ACTN4: variants seen among roughly 807,000 people sequenced by gnomAD.
ACTN4 encodes the protein alpha-actinin-4.
In ACTN4, 18 loss-of-function variants were observed where a neutral mutation model predicts 114.2. That is an observed-to-expected ratio of 0.16 (90% CI 0.11 to 0.23). The LOEUF is 0.23. Among genes scored for constraint, ACTN4 ranks in the 10% least tolerant of loss-of-function variants. ACTN4 has a pLI of 1.00. For missense variants in ACTN4, 722 were observed against 1,262.9 expected, an observed-to-expected ratio of 0.57 and a Z score of 6.49; for synonymous variants, 515 against 506.3, an observed-to-expected ratio of 1.02 and a Z score of -0.23.
chr19:38,673,633 ATATT>A (rs1568690246), intron 1 of ACTN4, among the ~76,000 whole-genome samples: 6 of 48,908 alleles, frequency 1.2e-4, no homozygotes, highest in South Asian at 5.2e-4. Context: ...ATATTCATAT[ATATT>A]TATATATATT....
intron 3 of ACTN4, 137 bp downstream of exon 3, chr19:38,701,258 G>T: frequency 7.0e-7 from 1 of 1,421,502 alleles, no homozygotes; most frequent in South Asian, 1.3e-5. Context: ...TACATACTCA[G>T]CAGTGATCAC....
Position 38,731,096 on chromosome 19 carries a change from G to C in ACTN4, c.*1664G>C, listed in dbSNP as rs542153508. 6.2e-7 allele frequency: 1 copy of C among 1,607,056 alleles called. No individual in the cohort carries two copies. Among genetic ancestry groups the C allele is most frequent in the Non-Finnish European group, 8.5e-7 (1 of 1,177,308 alleles). ...TCCCCCCATGCCCCACCATGCCGGG[G>C]TGGTACTCACAGAAGATGCAGGTGA... On this transcript the variant is annotated 3_prime_UTR_variant, in exon 21 of 21. Transcript: ENST00000252699.
intron 1 of ACTN4, among the ~76,000 whole-genome samples, chr19:38,694,271 T>C (rs996114812): frequency 4.0e-5 from 6 of 151,452 alleles, no homozygotes; most frequent in African/African-American, 1.5e-4. Context: ...CTTCTTTTTT[T>C]TTTTTTGAAA....
chr19:38,713,210 C>T (rs1968720309), intron 8 of ACTN4, among the ~76,000 whole-genome samples: 1 of 152,234 alleles, frequency 6.6e-6, no homozygotes, highest in South Asian at 2.1e-4. Flanking sequence ...CCGAAGCGTT[C>T]CCGCCTCGTT....
At chr19:38,679,568 C>CGTGTGTGTGTGTGTGTGTGTGTGTGT (rs10583743) in intron 1 of ACTN4, among the ~76,000 whole-genome samples, 3 of 145,420 alleles carry the variant, frequency 2.1e-5, no homozygotes, top group Non-Finnish European at 4.5e-5. Context: ...TTTGGGTGTG[C>CGTGTGTGTGTGTGTGTGTGTGTGTGT]GTGTGTGTGT....
intron 1 of ACTN4, among the ~76,000 whole-genome samples, chr19:38,672,050 C>T (rs1482760864): frequency 6.6e-6 from 1 of 152,066 alleles, no homozygotes; most frequent in Non-Finnish European, 1.5e-5. Context: ...GCAGCGTAGA[C>T]TTCATTGTCC....
At chr19:38,686,831 G>A (rs1043078069) in intron 1 of ACTN4, among the ~76,000 whole-genome samples, 10 of 152,162 alleles carry the variant, frequency 6.6e-5, no homozygotes, top group Non-Finnish European at 1.2e-4. Flanking sequence ...GGATGGCTCC[G>A]GAAGTCTGTT....
intron 1 of ACTN4, among the ~76,000 whole-genome samples, chr19:38,659,864 T>C (rs7254971): frequency 0.014 from 2,128 of 151,968 alleles, 57 homozygotes; most frequent in African/African-American, 0.047. Flanking sequence ...TGGTTGTGGC[T>C]ACCAAGGAAA....
chr19:38,658,574 CT>C (rs1976778733), intron 1 of ACTN4, among the ~76,000 whole-genome samples: 1 of 152,190 alleles, frequency 6.6e-6, no homozygotes. Flanking sequence ...GCTTCTTTGG[CT>C]GTTACTGGTA....
At chr19:38,690,949 C>A (rs759519836) in intron 1 of ACTN4, among the ~76,000 whole-genome samples, 1 of 152,192 alleles carries the variant, frequency 6.6e-6, no homozygotes, top group Non-Finnish European at 1.5e-5. Context: ...CAACCTGATT[C>A]CACTCACTCC....
chr19:38,654,145 A>G (rs954723148), intron 1 of ACTN4, among the ~76,000 whole-genome samples: 1 of 152,200 alleles, frequency 6.6e-6, no homozygotes, highest in Admixed American at 6.6e-5. Flanking sequence ...GGCATCAAGG[A>G]GTGTAACTTT....
chr19:38,718,123 C>T (rs1327133072), intron 11 of ACTN4, 49 bp downstream of exon 11: 1 of 1,567,858 alleles, frequency 6.4e-7, no homozygotes, highest in South Asian at 1.2e-5. Context: ...CCCGTGCTCC[C>T]CTCCTGTCTC....
At chr19:38,681,414 C>A (rs1438711809) in intron 1 of ACTN4, among the ~76,000 whole-genome samples, 3 of 152,144 alleles carry the variant, frequency 2.0e-5, no homozygotes, top group Non-Finnish European at 4.4e-5. Flanking sequence ...TCTCCACCCC[C>A]CACTGCCCAG....
rs1300445736 is a variant in ACTN4, at chr19:38,708,059, A to G, written c.573-58A>G. 13 of 1,551,884 alleles carry G rather than the reference A, an allele frequency of 8.4e-6. No homozygotes were observed. The East Asian group carries it at 1.6e-4, about 19-fold the overall frequency. ...CACTGCTGTGGGTGCACAGGGCCAT[A>G]CGGCACTCTCATGACAGTGAGCGGG... is the stretch of plus-strand genomic sequence containing the variant. On this transcript the variant is annotated intron_variant, in intron 5 of 20. Transcript: ENST00000252699.
rs76636693 is a variant in ACTN4 at position 38,708,651 on chromosome 19, G to C, written c.651+456G>C. Among the ~76,000 whole-genome samples the C allele has an allele frequency of 6.6e-3, 999 of 152,358 alleles. 15 individuals are homozygous for C. The highest frequency in any genetic ancestry group is 0.023 in the African/African-American group (964 of 41,586). On this transcript the variant is annotated intron_variant, in intron 6 of 20. Coordinates refer to ENST00000252699, the MANE Select transcript of ACTN4 (RefSeq NM_004924.6). Reference sequence around the variant, plus strand: ...CCACCAGAAGCTGCCAGCCTCGTGGGGGAAGGCAGGACAAAAATTGTGTCC... The same window carrying C: ...CCACCAGAAGCTGCCAGCCTCGTGGCGGAAGGCAGGACAAAAATTGTGTCC...
At chr19:38,709,005 C>G (rs1968553385) in intron 6 of ACTN4, among the ~76,000 whole-genome samples, 1 of 152,142 alleles carries the variant, frequency 6.6e-6, no homozygotes, top group Non-Finnish European at 1.5e-5. Context: ...CCTGGGACCT[C>G]TCGGTTTGCT....
At chr19:38,669,605 G>A (rs868273377) in intron 1 of ACTN4, among the ~76,000 whole-genome samples, 12 of 152,308 alleles carry the variant, frequency 7.9e-5, no homozygotes, top group Middle Eastern at 3.4e-3. Context: ...CACCTAGGAA[G>A]ATGGTGGCCC....
chr19:38,716,864 A>ATGCAGGG (rs1968858573), intron 9 of ACTN4, among the ~76,000 whole-genome samples: 1 of 152,204 alleles, frequency 6.6e-6, no homozygotes, highest in African/African-American at 2.4e-5. Flanking sequence ...GTAACAAGAG[A>ATGCAGGG]ACAGTACAGT....
chr19:38,665,111 G>A (rs1286315610), intron 1 of ACTN4, among the ~76,000 whole-genome samples: 1 of 152,128 alleles, frequency 6.6e-6, no homozygotes, highest in Admixed American at 6.5e-5. Context: ...CCCCGGGAGG[G>A]GGTGTTGAGA....
Sources: gnomAD v4.1 joint callset for allele counts (sites outside exome capture counted in the v4.1 genomes callset) on GRCh38, gnomAD v4.1.1 for gene constraint, MANE v1.5 for transcripts, NCBI Gene and HGNC (gene_info 2026-07-23, HGNC 2026-07-21) for gene names.